The following RASAL2 variants were observed in gnomAD, a reference collection of about 807,000 sequenced individuals.
The protein encoded by RASAL2 is ras GTPase-activating protein nGAP.
RASAL2 carries 58 observed loss-of-function variants against 128.9 expected under a neutral mutation model. The ratio of observed to expected loss-of-function variants is 0.45; its 90% CI spans 0.36 to 0.56. The LOEUF (loss-of-function observed/expected upper bound fraction) is 0.56. RASAL2 is among the 20% of genes least tolerant of loss of function. The probability of loss-of-function intolerance (pLI) is 0.00; values close to 1 mark genes in which losing one functional copy is unlikely to be tolerated. For synonymous variants in RASAL2, 561 were observed against 580.8 expected, an observed-to-expected ratio of 0.97 and a Z score of 0.49; for missense variants, 1,360 against 1,601.6, an observed-to-expected ratio of 0.85 and a Z score of 2.57.
chr1:178,261,791 C>T, intron 1 of RASAL2, among the ~76,000 whole-genome samples: 1 of 152,062 alleles, frequency 6.6e-6, no homozygotes, highest in South Asian at 2.1e-4. Flanking sequence ...GTGGTGGGCG[C>T]CTGTCATCCC....
At chr1:178,227,886 A>T (rs1442955886) in intron 1 of RASAL2, among the ~76,000 whole-genome samples, 1 of 152,182 alleles carries the variant, frequency 6.6e-6, no homozygotes, top group Non-Finnish European at 1.5e-5. Flanking sequence ...GAATGTAGTA[A>T]TCCAGTGGTT....
At chr1:178,290,892 G>A (rs980483961) in intron 2 of RASAL2, among the ~76,000 whole-genome samples, 4 of 151,978 alleles carry the variant, frequency 2.6e-5, no homozygotes, top group Admixed American at 1.3e-4. Flanking sequence ...TAGCCAGGAT[G>A]GTCTCGATCT....
chr1:178,164,771 A>G (rs1378470905), intron 1 of RASAL2, among the ~76,000 whole-genome samples: 3 of 146,830 alleles, frequency 2.0e-5, no homozygotes, highest in Admixed American at 6.9e-5. Flanking sequence ...TTTCCATTTC[A>G]TGAGACCACA....
At chr1:178,350,949 T>C (rs1670440110) in intron 3 of RASAL2, among the ~76,000 whole-genome samples, 1 of 152,212 alleles carries the variant, frequency 6.6e-6, no homozygotes, top group African/African-American at 2.4e-5. Flanking sequence ...ACAGGAAGCA[T>C]GGCATCATCT....
intron 2 of RASAL2, among the ~76,000 whole-genome samples, chr1:178,296,093 ATATATATGTG>A (rs1450216437): frequency 6.6e-6 from 1 of 150,936 alleles, no homozygotes. Context: ...ATGTGTGTGT[ATATATATGTG>A]TATATATGTG....
intron 4 of RASAL2, among the ~76,000 whole-genome samples, chr1:178,406,741 T>C (rs986684595): frequency 3.3e-5 from 5 of 152,050 alleles, no homozygotes; most frequent in African/African-American, 9.7e-5. Context: ...ATATCTTCCA[T>C]TGGTCCCTCT....
intron 1 of RASAL2, among the ~76,000 whole-genome samples, chr1:178,201,920 G>C (rs1267714685): frequency 2.6e-5 from 4 of 152,176 alleles, no homozygotes; most frequent in Admixed American, 6.5e-5. Context: ...TGAAGGGGAG[G>C]CCGGGTCCCC....
chr1:178,176,235 C>CTT (rs34524109), intron 1 of RASAL2, among the ~76,000 whole-genome samples: 36,642 of 151,916 alleles, frequency 0.24, 5,272 homozygotes, highest in African/African-American at 0.41. Flanking sequence ...TTTTTTGACT[C>CTT]TAGTTGTGGC....
At position 178,094,386 on chromosome 1, in the gene RASAL2, G is replaced by C. The variant is rs1299881957; in HGVS notation, c.-107G>C. 8.2e-6 allele frequency: 9 copies of C among 1,101,442 alleles called. No homozygotes were observed. The highest frequency in any genetic ancestry group is 1.1e-5 in the Non-Finnish European group (9 of 806,104). The allele number at this position is 1,101,442 out of a possible 1,614,324, so 68.2% of individuals were successfully genotyped here. On this transcript the variant is annotated 5_prime_UTR_variant, in exon 1 of 18. Coordinates refer to ENST00000367649, the MANE Select transcript of RASAL2 (RefSeq NM_170692.4). ...CGCGCCGGCTGCCGCTCGGGTCCCTGCCCTCGCTGCGCGCTCTCCTCCTCC... is the reference window on the plus strand; with the variant it reads ...CGCGCCGGCTGCCGCTCGGGTCCCTCCCCTCGCTGCGCGCTCTCCTCCTCC...
In RASAL2 at chr1:178,439,650, T is replaced by C; in HGVS notation, c.828+75T>C. ...TTTTATGTCCAGTAATTTTGCGATT[T>C]CATTGCTGTACAGTTGATGATTTAA... On this transcript the variant is annotated intron_variant, in intron 6 of 17. Coordinates refer to ENST00000367649, the MANE Select transcript of RASAL2 (RefSeq NM_170692.4). The C allele has an allele frequency of 2.1e-6, 3 of 1,415,726 alleles. No individual in the cohort carries two copies. In the South Asian group the frequency reaches 3.9e-5, roughly 18 times the overall value. 87.7% of individuals were successfully genotyped at this position (1,415,726 alleles called of 1,614,324 possible).
chr1:178,225,451 A>G (rs914963749), intron 1 of RASAL2, among the ~76,000 whole-genome samples: 3 of 151,920 alleles, frequency 2.0e-5, no homozygotes, highest in African/African-American at 7.2e-5. Flanking sequence ...TCTACTTTTT[A>G]TGGTATATTT....
rs972630613 is a variant in RASAL2, at chr1:178,249,367, C to G, written c.203-34197C>G. Among the ~76,000 whole-genome samples, 3 of 152,044 alleles carry G rather than the reference C, an allele frequency of 2.0e-5. No homozygotes were observed. The South Asian group carries it at 6.2e-4, about 32-fold the overall frequency. On this transcript the variant is annotated intron_variant, in intron 1 of 17. Transcript: ENST00000367649. Reference sequence around the variant, plus strand: ...ACTTGTGTATGCTTCACGAAATTCTCGTGCTGTGTTTTTCATCTCCATCAG... The same window carrying G: ...ACTTGTGTATGCTTCACGAAATTCTGGTGCTGTGTTTTTCATCTCCATCAG...
At chr1:178,389,965 A>C in intron 3 of RASAL2, 135 bp from the exon 4 acceptor site, 1 of 573,854 alleles carries the variant, frequency 1.7e-6, no homozygotes, top group Non-Finnish European at 3.1e-6. Context: ...AAGATAGATA[A>C]ATTATGTGAG....
intron 17 of RASAL2, among the ~76,000 whole-genome samples, chr1:178,467,855 T>A (rs186639842): frequency 1.3e-5 from 2 of 152,336 alleles, no homozygotes; most frequent in African/African-American, 4.8e-5. Flanking sequence ...AGTAATGGAA[T>A]TGCCAGGGAA....
chr1:178,434,365 T>C (rs1013741430), intron 5 of RASAL2, among the ~76,000 whole-genome samples: 5 of 152,140 alleles, frequency 3.3e-5, no homozygotes, highest in Non-Finnish European at 7.4e-5. Context: ...TGTATACATG[T>C]ATATGTACCA....
intron 3 of RASAL2, among the ~76,000 whole-genome samples, chr1:178,318,414 A>T (rs12024795): frequency 0.1 from 15,282 of 151,636 alleles, 694 homozygotes; most frequent in Middle Eastern, 0.14. Context: ...CCCATTATTA[A>T]TGTGTGGGAG....
chr1:178,227,587 G>T (rs561095212), intron 1 of RASAL2, among the ~76,000 whole-genome samples: 12 of 152,118 alleles, frequency 7.9e-5, no homozygotes, highest in South Asian at 4.2e-4. Context: ...GTTGTTTTTT[G>T]TTGTTGTTGT....
chr1:178,287,306 C>T (rs932634450), intron 2 of RASAL2, among the ~76,000 whole-genome samples: 6 of 151,908 alleles, frequency 3.9e-5, no homozygotes, highest in Admixed American at 3.9e-4. Flanking sequence ...TTGGCAATCA[C>T]AAAACATTTT....
intron 4 of RASAL2, among the ~76,000 whole-genome samples, chr1:178,395,645 AAAACTTATTT>A: frequency 6.6e-6 from 1 of 152,016 alleles, no homozygotes; most frequent in East Asian, 1.9e-4. Flanking sequence ...GAGGATACTT[AAAACTTATTT>A]CCCATGATGC....
Sources: gnomAD v4.1 joint callset for allele counts (sites outside exome capture counted in the v4.1 genomes callset) on GRCh38, gnomAD v4.1.1 for gene constraint, MANE v1.5 for transcripts, NCBI Gene and HGNC (gene_info 2026-07-23, HGNC 2026-07-21) for gene names.